The following PALS1 variants were observed in gnomAD, a reference collection of about 807,000 sequenced individuals.
The protein encoded by PALS1 is protein associated with LIN7 1, MAGUK p55 family member.
Under a neutral mutation model 78.9 loss-of-function variants are expected in PALS1, and 31 were observed. That is an observed-to-expected ratio of 0.39 (90% CI 0.30 to 0.53). The LOEUF (loss-of-function observed/expected upper bound fraction) is 0.53. Ranked by LOEUF, PALS1 falls within the 20% of genes least tolerant of loss-of-function variation. The pLI, the probability that PALS1 is intolerant of heterozygous loss-of-function variation, is 0.67. For synonymous variants in PALS1, 276 were observed against 270.9 expected, an observed-to-expected ratio of 1.02 and a Z score of -0.18; for missense variants, 704 against 826.5, an observed-to-expected ratio of 0.85 and a Z score of 1.82.
chr14:67,302,185 G>A, intron 6 of PALS1, 67 bp downstream of exon 6: 1 of 1,468,934 alleles, frequency 6.8e-7, no homozygotes, highest in Non-Finnish European at 9.1e-7. Context: ...CAAAAGTCTG[G>A]TTAATTTCAG....
At chr14:67,252,012 G>A (rs1171860333) in intron 1 of PALS1, among the ~76,000 whole-genome samples, 2 of 152,090 alleles carry the variant, frequency 1.3e-5, no homozygotes, top group Admixed American at 6.5e-5. Context: ...TCAAGGTGCT[G>A]GGAGGCTGGT....
intron 14 of PALS1, among the ~76,000 whole-genome samples, chr14:67,332,573 C>T (rs1223629685): frequency 6.6e-6 from 1 of 151,878 alleles, no homozygotes; most frequent in Non-Finnish European, 1.5e-5. Context: ...ATATTGAGTC[C>T]CAGATGGTTC....
chr14:67,272,248 C>G (rs2084420335), intron 2 of PALS1, among the ~76,000 whole-genome samples: 1 of 152,190 alleles, frequency 6.6e-6, no homozygotes, highest in African/African-American at 2.4e-5. Flanking sequence ...CTAGTCCTAT[C>G]TTCCACTACT....
At chr14:67,308,807 T>A (rs778538902) in intron 8 of PALS1, among the ~76,000 whole-genome samples, 1 of 152,192 alleles carries the variant, frequency 6.6e-6, no homozygotes, top group Non-Finnish European at 1.5e-5. Flanking sequence ...TATGTACTAC[T>A]CTACTTACTA....
intron 8 of PALS1, among the ~76,000 whole-genome samples, chr14:67,306,266 G>A (rs552412227): frequency 2.4e-4 from 36 of 151,348 alleles, no homozygotes; most frequent in African/African-American, 5.6e-4. Flanking sequence ...CACCGAACCC[G>A]GCCTATTTTC....
chr14:67,307,688 A>G (rs1457308026), intron 8 of PALS1, among the ~76,000 whole-genome samples: 3 of 152,336 alleles, frequency 2.0e-5, no homozygotes, highest in Non-Finnish European at 2.9e-5. Context: ...GCTTGGTGCT[A>G]TAAAGGCTTT....
At position 67,333,838 on chromosome 14, in the gene PALS1, G is replaced by A. The variant is rs2085486423; in HGVS notation, c.*882G>A. 1 of 152,496 alleles carries A rather than the reference G, an allele frequency of 6.6e-6. No homozygotes were observed. Among genetic ancestry groups the A allele is most frequent in the Admixed American group, 6.6e-5 (1 of 15,246 alleles). 9.4% of individuals were successfully genotyped at this position (152,496 alleles called of 1,614,324 possible). ...ACTTAAAAAGTTTCTTCCTCATGAT[G>A]CTAATAGTTTTTTGTATACATGGGA... On this transcript the variant is annotated 3_prime_UTR_variant, in exon 15 of 15. Transcript: ENST00000261681.
chr14:67,295,686 A>G (rs796340450), intron 4 of PALS1, among the ~76,000 whole-genome samples: 3 of 152,338 alleles, frequency 2.0e-5, no homozygotes, highest in Admixed American at 6.5e-5. Flanking sequence ...CAGAATGACA[A>G]TGATTACAAT....
At chr14:67,297,587 T>G (rs1364979590) in intron 4 of PALS1, among the ~76,000 whole-genome samples, 2 of 152,202 alleles carry the variant, frequency 1.3e-5, no homozygotes, top group African/African-American at 4.8e-5. Context: ...TTGATAACAT[T>G]GTGGAAAGTC....
chr14:67,273,420 G>T (rs938442547), intron 2 of PALS1, among the ~76,000 whole-genome samples: 3 of 152,112 alleles, frequency 2.0e-5, no homozygotes, highest in Non-Finnish European at 4.4e-5. Context: ...ATGGTTTCCA[G>T]CTTCATCTTT....
intron 11 of PALS1, among the ~76,000 whole-genome samples, chr14:67,319,771 A>T (rs1047080860): frequency 1.3e-5 from 2 of 152,222 alleles, no homozygotes; most frequent in African/African-American, 2.4e-5. Flanking sequence ...GCTTTCTCTG[A>T]TAACACTGGT....
intron 8 of PALS1, among the ~76,000 whole-genome samples, chr14:67,307,639 G>A (rs2085023704): frequency 6.6e-6 from 1 of 152,122 alleles, no homozygotes; most frequent in Non-Finnish European, 1.5e-5. Context: ...TGTGGGGAAA[G>A]GAGAAATTCT....
intron 9 of PALS1, among the ~76,000 whole-genome samples, chr14:67,314,676 A>G (rs1024795023): frequency 4.6e-5 from 7 of 152,210 alleles, no homozygotes; most frequent in African/African-American, 1.7e-4. Flanking sequence ...TTGTTGATAG[A>G]TTGATTTTCT....
intron 2 of PALS1, among the ~76,000 whole-genome samples, chr14:67,272,767 T>G (rs1457041566): frequency 6.6e-6 from 1 of 152,196 alleles, no homozygotes; most frequent in Non-Finnish European, 1.5e-5. Flanking sequence ...CAAGTGATTC[T>G]CATGCCTCAG....
Position 67,253,637 on chromosome 14 carries a change from G to C in PALS1, c.-237+12104G>C, listed in dbSNP as rs536161954. On this transcript the variant is annotated intron_variant, in intron 1 of 14. Transcript: ENST00000261681. ...AGGCAAGAGGACTGCTTGAGCCCAGGAGTTCCAGACCCGCCTAGACAACAT... is the reference window on the plus strand; with the variant it reads ...AGGCAAGAGGACTGCTTGAGCCCAGCAGTTCCAGACCCGCCTAGACAACAT... Among the ~76,000 whole-genome samples the C allele has an allele frequency of 7.9e-4, 120 of 152,174 alleles. 1 individual carries two copies. Among genetic ancestry groups the C allele is most frequent in the African/African-American group, 2.7e-3 (114 of 41,504 alleles).
chr14:67,284,060 T>C (rs139595409), intron 3 of PALS1, among the ~76,000 whole-genome samples: 1 of 152,226 alleles, frequency 6.6e-6, no homozygotes, highest in African/African-American at 2.4e-5. Context: ...GGTTTCAGGA[T>C]TTTCTTGAGG....
At chr14:67,269,384 C>T (rs2084377613) in intron 1 of PALS1, among the ~76,000 whole-genome samples, 1 of 151,832 alleles carries the variant, frequency 6.6e-6, no homozygotes, top group African/African-American at 2.4e-5. Flanking sequence ...TTGATTTATA[C>T]CTAGGAGTAG....
chr14:67,315,856 C>T (rs1358998260), intron 9 of PALS1, among the ~76,000 whole-genome samples: 2 of 152,192 alleles, frequency 1.3e-5, no homozygotes, highest in Non-Finnish European at 2.9e-5. Context: ...ACCTGGAAGG[C>T]GGAGGTTGCG....
rs569025760 is a variant in PALS1, at chr14:67,296,743, T to G, written c.576+4024T>G. 9.2e-5 allele frequency among the ~76,000 whole-genome samples: 14 copies of G among 152,240 alleles called. No individual in the cohort carries two copies. In the South Asian group the frequency reaches 2.7e-3, roughly 29 times the overall value. ...TAGGTGAAAGGAGAAAACCATATGA[T>G]CTTTGTTTTGAGACAGAGTCTTGCT... On this transcript the variant is annotated intron_variant, in intron 4 of 14. Coordinates refer to ENST00000261681, the MANE Select transcript of PALS1 (RefSeq NM_022474.4).
Sources: gnomAD v4.1 joint callset for allele counts (sites outside exome capture counted in the v4.1 genomes callset) on GRCh38, gnomAD v4.1.1 for gene constraint, MANE v1.5 for transcripts, NCBI Gene and HGNC (gene_info 2026-07-23, HGNC 2026-07-21) for gene names.